Variants in FGF12 observed in about 807,000 individuals in gnomAD.
FGF12 encodes fibroblast growth factor 12, also known as fibroblast growth factor 12B.
Under a neutral mutation model 23.6 loss-of-function variants are expected in FGF12, and 14 were observed. The ratio of observed to expected loss-of-function variants is 0.59; its 90% confidence interval spans 0.39 to 0.93. The LOEUF (loss-of-function observed/expected upper bound fraction) is 0.93, where lower values mean the gene tolerates loss of function less well. FGF12 is among the 40% of genes least tolerant of loss of function. FGF12 has a pLI of 0.00. For synonymous variants in FGF12, 62 were observed against 77.3 expected, an observed-to-expected ratio of 0.80 and a Z score of 1.04; for missense variants, 175 against 217.8, an observed-to-expected ratio of 0.80 and a Z score of 1.24.
At chr3:192,241,198 T>C (rs1390874965) in intron 4 of FGF12, among the ~76,000 whole-genome samples, 1 of 152,132 alleles carries the variant, frequency 6.6e-6, no homozygotes, top group African/African-American at 2.4e-5. Context: ...AAAGACTATA[T>C]AAAAAGATTA....
At chr3:192,645,574 T>C (rs1331252204) in intron 2 of FGF12, among the ~76,000 whole-genome samples, 3 of 151,956 alleles carry the variant, frequency 2.0e-5, no homozygotes, top group Admixed American at 2.0e-4. Flanking sequence ...AACATTCACA[T>C]AGAGATGTCA....
At chr3:192,382,226 C>A (rs1719848516) in intron 2 of FGF12, among the ~76,000 whole-genome samples, 1 of 152,014 alleles carries the variant, frequency 6.6e-6, no homozygotes, top group African/African-American at 2.4e-5. Context: ...TCGATCTCGA[C>A]CACGTGATCC....
chr3:192,347,877 T>G (rs1051369985), intron 3 of FGF12, among the ~76,000 whole-genome samples: 2 of 152,172 alleles, frequency 1.3e-5, no homozygotes, highest in African/African-American at 4.8e-5. Flanking sequence ...TTTGATATTA[T>G]TAACTTAAAT....
At chr3:192,536,721 A>T (rs941256673) in intron 2 of FGF12, among the ~76,000 whole-genome samples, 3 of 152,056 alleles carry the variant, frequency 2.0e-5, no homozygotes, top group African/African-American at 7.2e-5. Flanking sequence ...AGATATTTTG[A>T]TACAGGCATA....
intron 4 of FGF12, among the ~76,000 whole-genome samples, chr3:192,194,386 C>G (rs923487428): frequency 6.6e-6 from 1 of 152,118 alleles, no homozygotes; most frequent in African/African-American, 2.4e-5. Context: ...TGAGTGAGAG[C>G]TATGAAACTC....
At chr3:192,395,339 G>T (rs1359437139) in intron 2 of FGF12, among the ~76,000 whole-genome samples, 2 of 152,282 alleles carry the variant, frequency 1.3e-5, no homozygotes, top group African/African-American at 4.8e-5. Context: ...AATAAGTAAA[G>T]ACATGAAGTT....
intron 5 of FGF12, among the ~76,000 whole-genome samples, chr3:192,160,976 G>A (rs1714836932): frequency 6.6e-6 from 1 of 152,052 alleles, no homozygotes; most frequent in Admixed American, 6.6e-5. Context: ...TTAGTTAAGT[G>A]ATATTTGAAT....
chr3:192,633,717 G>T (rs1715480197), intron 2 of FGF12, among the ~76,000 whole-genome samples: 1 of 152,080 alleles, frequency 6.6e-6, no homozygotes, highest in African/African-American at 2.4e-5. Flanking sequence ...AATCAGCACA[G>T]GATTAACTAT....
intron 2 of FGF12, among the ~76,000 whole-genome samples, chr3:192,545,003 T>C (rs1038106310): frequency 6.6e-6 from 1 of 152,134 alleles, no homozygotes; most frequent in Admixed American, 6.5e-5. Context: ...TGAGATAGCT[T>C]AAGGAGAACT....
chr3:192,247,043 A>AGGAG (rs1711649251), intron 4 of FGF12, among the ~76,000 whole-genome samples: 1 of 38,492 alleles, frequency 2.6e-5, no homozygotes, highest in Admixed American at 2.0e-4. Flanking sequence ...GAAGGAAGGA[A>AGGAG]GGAAGGAAGG....
At chr3:192,634,019 A>T (rs549081900) in intron 2 of FGF12, among the ~76,000 whole-genome samples, 1 of 152,334 alleles carries the variant, frequency 6.6e-6, no homozygotes, top group Non-Finnish European at 1.5e-5. Context: ...TTCATTCCTA[A>T]AGGCCCAGTG....
intron 2 of FGF12, among the ~76,000 whole-genome samples, chr3:192,389,617 C>G (rs907639109): frequency 6.6e-5 from 10 of 152,126 alleles, no homozygotes; most frequent in Non-Finnish European, 1.3e-4. Flanking sequence ...TATTTTGATT[C>G]TACTTAAAAT....
At chr3:192,257,517 C>T (rs1712476305) in intron 4 of FGF12, among the ~76,000 whole-genome samples, 1 of 152,034 alleles carries the variant, frequency 6.6e-6, no homozygotes, top group African/African-American at 2.4e-5. Context: ...ATTTTGACTT[C>T]TTAAAGAATA....
Position 192,211,365 on chromosome 3 carries a change from T to A in FGF12, c.229-40709A>T, listed in dbSNP as rs189705868. On this transcript the variant is annotated intron_variant, in intron 4 of 5. Transcript: ENST00000445105. ...GGATGGAGCATAGTAGAAGAGAAGA[T>A]CAATCCTGGACATGAAAAAATCAAT... is the stretch of plus-strand genomic sequence containing the variant. Among the ~76,000 whole-genome samples the A allele has an allele frequency of 3.0e-3, 464 of 152,264 alleles. 2 individuals are homozygous for A. Among genetic ancestry groups the A allele is most frequent in the Non-Finnish European group, 3.0e-3 (204 of 68,012 alleles).
intron 4 of FGF12, among the ~76,000 whole-genome samples, chr3:192,199,850 A>G (rs1047603123): frequency 1.3e-5 from 2 of 152,230 alleles, no homozygotes; most frequent in Non-Finnish European, 2.9e-5. Flanking sequence ...AAACCATCAC[A>G]GTTCAGATGG....
rs149194577 is a variant in FGF12 at position 192,542,452 on chromosome 3, T to A, written c.14-181914A>T. 4.5e-3 allele frequency among the ~76,000 whole-genome samples: 678 copies of A among 152,338 alleles called. 3 individuals are homozygous for A. Among genetic ancestry groups the A allele is most frequent in the Admixed American group, 7.8e-3 (119 of 15,308 alleles). On this transcript the variant is annotated intron_variant, in intron 2 of 5. Coordinates refer to ENST00000445105, the MANE Select transcript of FGF12 (RefSeq NM_004113.6). ...AGTCCTCAAAACAGCTATTTTGAAT[T>A]CTCTGAATGAAAGATCACATATCTC...
chr3:192,417,141 G>T (rs990570676), intron 2 of FGF12, among the ~76,000 whole-genome samples: 7 of 152,020 alleles, frequency 4.6e-5, no homozygotes, highest in African/African-American at 1.7e-4. Flanking sequence ...TTGTCTCCTG[G>T]TTGGTTGAGT....
chr3:192,247,032 A>AGAAGGAAGGAAGGAAG (rs71177355), intron 4 of FGF12, among the ~76,000 whole-genome samples: 6 of 86,320 alleles, frequency 7.0e-5, no homozygotes, highest in Non-Finnish European at 9.4e-5. Flanking sequence ...AGGGAAGGAA[A>AGAAGGAAGGAAGGAAG]GAAGGAAGGA....
intron 4 of FGF12, among the ~76,000 whole-genome samples, chr3:192,322,393 C>T (rs956706966): frequency 6.6e-6 from 1 of 151,882 alleles, no homozygotes; most frequent in Non-Finnish European, 1.5e-5. Context: ...CCATACTACC[C>T]AAAGCAATCT....
Sources: allele counts gnomAD v4.1 joint callset (sites outside exome capture counted in the v4.1 genomes callset), GRCh38; gene constraint gnomAD v4.1.1; transcripts MANE v1.5; gene names NCBI Gene and HGNC (gene_info 2026-07-23, HGNC 2026-07-21).